The following GTF2A1L variants were observed in gnomAD, a reference collection of about 807,000 sequenced individuals.
GTF2A1L encodes TFIIA-alpha and beta-like factor.
Under a neutral mutation model 49.7 loss-of-function variants are expected in GTF2A1L, and 48 were observed. The ratio of observed to expected loss-of-function variants is 0.97; its 90% CI spans 0.77 to 1.23. GTF2A1L has a LOEUF of 1.23. GTF2A1L is among the 50% of genes most tolerant of loss of function. GTF2A1L has a pLI of 0.00. For missense variants in GTF2A1L, 736 were observed against 564.8 expected (o/e 1.30, Z -3.07); for synonymous variants, 246 against 193.5 (o/e 1.27, Z -2.25).
At chr2:48,670,095 AAT>A in intron 7 of GTF2A1L, 113 bp downstream of exon 7, 2 of 1,429,568 alleles carry the variant, frequency 1.4e-6, no homozygotes, top group South Asian at 3.2e-5. Flanking sequence ...ACTCTTTTGA[AAT>A]AAGACTTATT....
At chr2:48,674,080 G>T (rs1338285431) in intron 8 of GTF2A1L, among the ~76,000 whole-genome samples, 1 of 152,072 alleles carries the variant, frequency 6.6e-6, no homozygotes, top group Non-Finnish European at 1.5e-5. Context: ...GAACATTTGG[G>T]TACAGGTTTT....
chr2:48,653,169 C>T lies in GTF2A1L; in HGVS notation c.978+6127C>T, dbSNP rs13388929. ...CCAGGAGGCTGAGCTTGCAGTGACC[C>T]GAGATTGCGCCACTGCACTCCAGCC... On this transcript the variant is annotated intron_variant, in intron 6 of 8. Transcript: ENST00000403751. Among the ~76,000 whole-genome samples the T allele has an allele frequency of 5.4e-3, 783 of 145,690 alleles. 13 individuals carry two copies. Among genetic ancestry groups the T allele is most frequent in the African/African-American group, 0.019 (752 of 39,476 alleles).
intron 6 of GTF2A1L, among the ~76,000 whole-genome samples, chr2:48,668,371 T>C (rs1405465423): frequency 1.3e-5 from 2 of 152,190 alleles, no homozygotes; most frequent in Non-Finnish European, 2.9e-5. Context: ...TCAAGGGGCC[T>C]CTTACTTTTC....
chr2:48,675,182 C>T (rs1679399319), intron 8 of GTF2A1L, among the ~76,000 whole-genome samples: 1 of 152,086 alleles, frequency 6.6e-6, no homozygotes. Context: ...GTTTTATGGG[C>T]TTAGCACGCT....
chr2:48,637,040 G>A (rs777830835), intron 3 of GTF2A1L, among the ~76,000 whole-genome samples: 1 of 152,152 alleles, frequency 6.6e-6, no homozygotes, highest in Non-Finnish European at 1.5e-5. Flanking sequence ...CTGTATGTCC[G>A]ATTGTTCTTG....
chr2:48,640,629 T>G (rs1558724056), intron 3 of GTF2A1L, among the ~76,000 whole-genome samples: 1 of 152,104 alleles, frequency 6.6e-6, no homozygotes, highest in Non-Finnish European at 1.5e-5. Context: ...AAATAATCTG[T>G]AAAATCTGTG....
chr2:48,628,437 A>C (rs1572700988), intron 3 of GTF2A1L, among the ~76,000 whole-genome samples: 1 of 143,638 alleles, frequency 7.0e-6, no homozygotes, highest in East Asian at 2.0e-4. Context: ...GTGAGGTGGT[A>C]TATTCTTGTG....
chr2:48,630,775 A>G (rs1328469765), intron 3 of GTF2A1L, among the ~76,000 whole-genome samples: 3 of 151,572 alleles, frequency 2.0e-5, no homozygotes, highest in African/African-American at 7.3e-5. Flanking sequence ...ATTTTGAGGT[A>G]TGTTCCCTCA....
At chr2:48,643,387 C>G (rs1677311573) in intron 4 of GTF2A1L, among the ~76,000 whole-genome samples, 1 of 152,062 alleles carries the variant, frequency 6.6e-6, no homozygotes, top group South Asian at 2.1e-4. Context: ...TTCTTTCAGC[C>G]CATAGGTTGC....
intron 3 of GTF2A1L, among the ~76,000 whole-genome samples, chr2:48,635,503 G>C (rs1676838569): frequency 6.6e-6 from 1 of 152,100 alleles, no homozygotes; most frequent in Admixed American, 6.6e-5. Flanking sequence ...GGCACCAAGT[G>C]ATGGCACATG....
intron 6 of GTF2A1L, among the ~76,000 whole-genome samples, chr2:48,667,315 T>C (rs912716424): frequency 7.2e-5 from 11 of 152,062 alleles, no homozygotes; most frequent in Middle Eastern, 3.2e-3. Context: ...CTGAAGTAAA[T>C]AGTATTTATA....
intron 8 of GTF2A1L, among the ~76,000 whole-genome samples, chr2:48,676,288 C>A (rs1679462446): frequency 6.6e-6 from 1 of 151,662 alleles, no homozygotes; most frequent in Non-Finnish European, 1.5e-5. Flanking sequence ...TGTGATTTTT[C>A]AGTCTTTTGA....
intron 6 of GTF2A1L, among the ~76,000 whole-genome samples, chr2:48,665,415 C>T (rs1678784153): frequency 6.7e-6 from 1 of 150,226 alleles, no homozygotes; most frequent in Admixed American, 6.7e-5. Context: ...GGATATTATG[C>T]TATTGATTTG....
intron 6 of GTF2A1L, among the ~76,000 whole-genome samples, chr2:48,655,640 A>G (rs1678128102): frequency 6.6e-6 from 1 of 152,202 alleles, no homozygotes; most frequent in Non-Finnish European, 1.5e-5. Flanking sequence ...GTATATCACT[A>G]CTGATTTTTA....
At chr2:48,662,093 G>C (rs1480816700) in intron 6 of GTF2A1L, among the ~76,000 whole-genome samples, 1 of 151,840 alleles carries the variant, frequency 6.6e-6, no homozygotes, top group Non-Finnish European at 1.5e-5. Flanking sequence ...TAATATTTTA[G>C]GCTTATAATA....
chr2:48,627,103 T>C (rs961597933), intron 3 of GTF2A1L, among the ~76,000 whole-genome samples: 2 of 143,986 alleles, frequency 1.4e-5, no homozygotes, highest in Admixed American at 7.1e-5. Flanking sequence ...TCGATCTCTT[T>C]ATTTTTTATA....
At chr2:48,621,144 A>C in intron 2 of GTF2A1L, 23 bp from the exon 3 acceptor site, 1 of 1,594,266 alleles carries the variant, frequency 6.3e-7, no homozygotes, top group East Asian at 2.2e-5. Context: ...TTTTAAAGTA[A>C]ACTTTTTTTT....
rs371534365 is a variant in GTF2A1L at position 48,670,115 on chromosome 2, G to A, written c.1239+133G>A. On this transcript the variant is annotated intron_variant, in intron 7 of 8. Transcript: ENST00000403751. The stretch of plus-strand genomic sequence containing the variant: ...TTTGAAATAAGACTTATTTGGGGCC[G>A]GGCACGGTGGCTCACACATGTAATC... 41 of 1,313,536 alleles carry A rather than the reference G, an allele frequency of 3.1e-5. No individual in the cohort carries two copies. In the Admixed American group the frequency reaches 4.9e-4, roughly 16 times the overall value. 81.4% of individuals were successfully genotyped at this position (1,313,536 alleles called of 1,614,324 possible).
chr2:48,664,847 C>G (rs1678723333), intron 6 of GTF2A1L, among the ~76,000 whole-genome samples: 1 of 152,078 alleles, frequency 6.6e-6, no homozygotes, highest in East Asian at 1.9e-4. Flanking sequence ...ATTCTTAATA[C>G]TGTTTGCTTG....
Sources: gnomAD v4.1 joint callset for allele counts (sites outside exome capture counted in the v4.1 genomes callset) on GRCh38, gnomAD v4.1.1 for gene constraint, MANE v1.5 for transcripts, NCBI Gene and HGNC (gene_info 2026-07-23, HGNC 2026-07-21) for gene names.